The following DAB1 variants were observed in gnomAD, a reference collection of about 807,000 sequenced individuals.
DAB1 encodes the protein disabled homolog 1.
A neutral mutation model predicts 64.6 loss-of-function variants in DAB1; 15 were observed. The observed-to-expected ratio is 0.23, with a 90% CI of 0.16 to 0.36. The LOEUF (loss-of-function observed/expected upper bound fraction) is 0.36. DAB1 is among the 10% of genes least tolerant of loss of function. DAB1 has a pLI of 1.00. For missense variants in DAB1, 596 were observed against 706.7 expected, an observed-to-expected ratio of 0.84 and a Z score of 1.78; for synonymous variants, 235 against 251.9, an observed-to-expected ratio of 0.93 and a Z score of 0.64.
At chr1:58,146,248 C>G (rs1015852938) in intron 5 of DAB1, among the ~76,000 whole-genome samples, 1 of 152,034 alleles carries the variant, frequency 6.6e-6, no homozygotes, top group East Asian at 1.9e-4. Context: ...GCTCTTCTAA[C>G]CCTCATGTTG....
At chr1:57,320,931 C>T (rs1675666070) in intron 1 of DAB1, among the ~76,000 whole-genome samples, 2 of 152,208 alleles carry the variant, frequency 1.3e-5, no homozygotes, top group Admixed American at 1.3e-4. Flanking sequence ...TCTGACTACA[C>T]AGTCCTTCTT....
chr1:58,056,440 C>G, intron 5 of DAB1: 1 of 1,536,204 alleles, frequency 6.5e-7, no homozygotes, highest in Non-Finnish European at 8.9e-7. Flanking sequence ...GTGGCCGCGG[C>G]CCTTTTTGGC....
intron 2 of DAB1, among the ~76,000 whole-genome samples, chr1:57,277,144 T>G (rs573228704): frequency 6.6e-6 from 1 of 152,290 alleles, no homozygotes; most frequent in East Asian, 1.9e-4. Flanking sequence ...ACTCAGCAGT[T>G]TCATTTTCCA....
intron 5 of DAB1, among the ~76,000 whole-genome samples, chr1:57,978,984 C>A (rs1232627784): frequency 1.3e-5 from 2 of 152,150 alleles, no homozygotes; most frequent in Non-Finnish European, 2.9e-5. Flanking sequence ...ATTAGTTCAA[C>A]CATTGTGGAA....
rs200469581 is a variant in DAB1, at chr1:58,375,630, G to A, written n.258-32227C>T. Among the ~76,000 whole-genome samples the A allele has an allele frequency of 5.6e-3, 805 of 144,540 alleles. 48 individuals are homozygous for A. The East Asian group carries it at 0.13, about 23-fold the overall frequency. The allele number at this position is 144,540 out of a possible 152,430, so 94.8% of individuals were successfully genotyped here. On this transcript the variant is annotated intron_variant and non_coding_transcript_variant, in intron 3 of 20. Coordinates refer to the DAB1 transcript ENST00000485760. Reference sequence around the variant, plus strand: ...GCATCAATGTTCATCAAGGATATTGGTCTAAAATTCTCTTTTTTTGGTTGT... The same window carrying A: ...GCATCAATGTTCATCAAGGATATTGATCTAAAATTCTCTTTTTTTGGTTGT...
At chr1:57,094,527 G>T (rs771822975) in intron 4 of DAB1, among the ~76,000 whole-genome samples, 2 of 152,194 alleles carry the variant, frequency 1.3e-5, no homozygotes, top group Non-Finnish European at 2.9e-5. Context: ...GGAGGCGAAG[G>T]GGGGATTTGG....
intron 7 of DAB1, among the ~76,000 whole-genome samples, chr1:57,479,118 C>CT (rs1219703481): frequency 6.6e-6 from 1 of 151,860 alleles, no homozygotes; most frequent in Non-Finnish European, 1.5e-5. Flanking sequence ...TTTATAAACT[C>CT]TAAGTTCAAT....
intron 1 of DAB1, among the ~76,000 whole-genome samples, chr1:57,391,394 A>G (rs910109996): frequency 6.6e-6 from 1 of 152,194 alleles, no homozygotes; most frequent in African/African-American, 2.4e-5. Flanking sequence ...TATAGAATCC[A>G]TGAAACATAA....
At chr1:57,007,939 C>T (rs17450593) in intron 14 of DAB1, among the ~76,000 whole-genome samples, 5,672 of 152,242 alleles carry the variant, frequency 0.037, 101 homozygotes, top group African/African-American at 0.04. Context: ...GTGCTGCTGT[C>T]GATGGAGGGA....
intron 7 of DAB1, among the ~76,000 whole-genome samples, chr1:57,471,938 G>T (rs989731132): frequency 2.6e-5 from 4 of 152,164 alleles, no homozygotes; most frequent in Admixed American, 1.3e-4. Flanking sequence ...CAGTTAGAAG[G>T]GACTTTGAGT....
intron 2 of DAB1, among the ~76,000 whole-genome samples, chr1:57,157,450 G>A (rs974839230): frequency 6.6e-6 from 1 of 152,132 alleles, no homozygotes; most frequent in Non-Finnish European, 1.5e-5. Flanking sequence ...TCTGGAGGCT[G>A]AGCAGTCCAA....
At chr1:57,186,655 G>A (rs924847329) in intron 2 of DAB1, among the ~76,000 whole-genome samples, 13 of 152,146 alleles carry the variant, frequency 8.5e-5, no homozygotes, top group African/African-American at 1.7e-4. Context: ...AAATGCACGC[G>A]TCAGCATTTA....
intron 1 of DAB1, among the ~76,000 whole-genome samples, chr1:57,365,218 TTA>T (rs985814179): frequency 2.1e-5 from 3 of 142,134 alleles, no homozygotes; most frequent in Non-Finnish European, 3.0e-5. Flanking sequence ...AAATATATAT[TTA>T]TGTTATATAA....
chr1:58,170,326 G>A (rs904093802), intron 4 of DAB1, among the ~76,000 whole-genome samples: 1 of 151,746 alleles, frequency 6.6e-6, no homozygotes. Flanking sequence ...AAATCCTTCT[G>A]CCTTCCTCGA....
At chr1:57,739,685 T>C (rs3118038) in intron 6 of DAB1, among the ~76,000 whole-genome samples, 41,709 of 149,748 alleles carry the variant, frequency 0.28, 6,803 homozygotes, top group East Asian at 0.48. Flanking sequence ...ACTCCTGATC[T>C]CAAACAATCT....
intron 5 of DAB1, among the ~76,000 whole-genome samples, chr1:58,072,552 T>G (rs1649342878): frequency 6.6e-6 from 1 of 152,228 alleles, no homozygotes; most frequent in African/African-American, 2.4e-5. Flanking sequence ...GAGAATTATG[T>G]GTGTGACAGA....
intron 2 of DAB1, among the ~76,000 whole-genome samples, chr1:57,228,697 A>G (rs1667448096): frequency 6.6e-6 from 1 of 152,222 alleles, no homozygotes; most frequent in African/African-American, 2.4e-5. Flanking sequence ...CTGAAGATGC[A>G]TATACATAGT....
intron 4 of DAB1, among the ~76,000 whole-genome samples, chr1:58,207,919 G>A (rs1229373668): frequency 6.6e-6 from 1 of 152,140 alleles, no homozygotes; most frequent in African/African-American, 2.4e-5. Context: ...AAGGAAAGAG[G>A]TTTAATTGAC....
chr1:57,918,947 G>T (rs1644771730), intron 5 of DAB1, among the ~76,000 whole-genome samples: 1 of 152,162 alleles, frequency 6.6e-6, no homozygotes, highest in Non-Finnish European at 1.5e-5. Flanking sequence ...GTGAGTTTTT[G>T]TCAGGACAAA....
Sources: allele counts gnomAD v4.1 joint callset (sites outside exome capture counted in the v4.1 genomes callset), GRCh38; gene constraint gnomAD v4.1.1; transcripts MANE v1.5; gene names NCBI Gene and HGNC (gene_info 2026-07-23, HGNC 2026-07-21).